Variants in MAGI2 observed in about 807,000 individuals in gnomAD.
The protein encoded by MAGI2 is membrane associated guanylate kinase, WW and PDZ domain containing 2, also known as membrane-associated guanylate kinase, WW and PDZ domain-containing protein 2.
MAGI2 carries 35 observed loss-of-function variants against 133.3 expected under a neutral mutation model. The observed-to-expected ratio is 0.26, with a 90% CI of 0.20 to 0.35. The LOEUF is 0.35. Among genes scored for constraint, MAGI2 ranks in the 10% least tolerant of loss-of-function variants. The pLI, the probability that MAGI2 is intolerant of heterozygous loss-of-function variation, is 1.00. For missense variants in MAGI2, 1,636 were observed against 1,863.4 expected (o/e 0.88, Z 2.25); for synonymous variants, 729 against 710.6 (o/e 1.03, Z -0.41).
At chr7:78,569,174 T>A (rs759503692) in intron 3 of MAGI2, among the ~76,000 whole-genome samples, 16 of 152,164 alleles carry the variant, frequency 1.1e-4, no homozygotes, top group Non-Finnish European at 1.9e-4. Flanking sequence ...TTTATTTTCT[T>A]AAGAGCCCTT....
chr7:78,544,868 C>G (rs1205946522), intron 3 of MAGI2, among the ~76,000 whole-genome samples: 1 of 151,662 alleles, frequency 6.6e-6, no homozygotes, highest in Non-Finnish European at 1.5e-5. Context: ...AAACAAAAAA[C>G]AACAGCAACA....
Position 78,313,603 on chromosome 7 carries a change from T to C in MAGI2, c.1408+30175A>G, listed in dbSNP as rs1049526329. On this transcript the variant is annotated intron_variant, in intron 9 of 21. Transcript: ENST00000354212. ...AGAGAAAAATATTTTTTTTGATATATAGAAATAGGTACTTTGCTATTGGTA... is the reference window on the plus strand; with the variant it reads ...AGAGAAAAATATTTTTTTTGATATACAGAAATAGGTACTTTGCTATTGGTA... 4.0e-5 allele frequency among the ~76,000 whole-genome samples: 6 copies of C among 150,848 alleles called. 1 individual carries two copies. In the South Asian group the frequency reaches 6.3e-4, roughly 16 times the overall value.
At chr7:78,913,889 C>G (rs548345636) in intron 2 of MAGI2, among the ~76,000 whole-genome samples, 2 of 152,286 alleles carry the variant, frequency 1.3e-5, no homozygotes, top group South Asian at 2.1e-4. Context: ...AGATCAGTAT[C>G]ACCTGGAACA....
chr7:78,337,436 A>G lies in MAGI2; in HGVS notation c.1408+6342T>C, dbSNP rs116290545. Reference sequence around the variant, plus strand: ...TAAGAAAGAAATAATTCCCAACTCTACCCTTGTTTCTCTTGTACAGGACCC... The same window carrying G: ...TAAGAAAGAAATAATTCCCAACTCTGCCCTTGTTTCTCTTGTACAGGACCC... On this transcript the variant is annotated intron_variant, in intron 9 of 21. Coordinates refer to ENST00000354212, the MANE Select transcript of MAGI2 (RefSeq NM_012301.4). 5.5e-3 allele frequency among the ~76,000 whole-genome samples: 843 copies of G among 152,122 alleles called. 7 individuals carry two copies. Among genetic ancestry groups the G allele is most frequent in the African/African-American group, 0.019 (790 of 41,492 alleles).
At chr7:78,807,301 AAC>A (rs1788659498) in intron 2 of MAGI2, among the ~76,000 whole-genome samples, 1 of 152,172 alleles carries the variant, frequency 6.6e-6, no homozygotes, top group South Asian at 2.1e-4. Flanking sequence ...AATGCATTAA[AAC>A]AGTTATTATT....
At chr7:79,123,881 C>G (rs139361363) in intron 1 of MAGI2, among the ~76,000 whole-genome samples, 2,556 of 148,962 alleles carry the variant, frequency 0.017, 40 homozygotes, top group Non-Finnish European at 0.027. Context: ...CACTATTTTA[C>G]TCGTTCTTTT....
intron 1 of MAGI2, among the ~76,000 whole-genome samples, chr7:79,273,294 C>G (rs1021704745): frequency 6.6e-6 from 1 of 152,008 alleles, no homozygotes; most frequent in African/African-American, 2.4e-5. Context: ...AGCCAATTAG[C>G]CACAGAAAAT....
chr7:78,852,680 TA>T (rs1793245742), intron 2 of MAGI2, among the ~76,000 whole-genome samples: 1 of 152,140 alleles, frequency 6.6e-6, no homozygotes, highest in Non-Finnish European at 1.5e-5. Flanking sequence ...GACACTTACA[TA>T]TATGCATGAT....
chr7:79,159,993 G>A (rs1824199691), intron 1 of MAGI2, among the ~76,000 whole-genome samples: 1 of 151,992 alleles, frequency 6.6e-6, no homozygotes. Flanking sequence ...GTACTTATCA[G>A]ATTGGTAGAA....
chr7:78,897,426 G>A (rs1269634587), intron 2 of MAGI2, among the ~76,000 whole-genome samples: 3 of 152,152 alleles, frequency 2.0e-5, no homozygotes, highest in African/African-American at 7.2e-5. Context: ...AGAGGCAGTG[G>A]TGTGCTAGAG....
chr7:79,136,294 C>T (rs1409563453), intron 1 of MAGI2, among the ~76,000 whole-genome samples: 1 of 152,126 alleles, frequency 6.6e-6, no homozygotes, highest in Non-Finnish European at 1.5e-5. Flanking sequence ...TTACCTAGGG[C>T]CAAGAAAGCT....
intron 1 of MAGI2, among the ~76,000 whole-genome samples, chr7:79,316,344 A>C (rs1030015828): frequency 6.6e-6 from 1 of 152,316 alleles, no homozygotes; most frequent in African/African-American, 2.4e-5. Context: ...AGGAATAACA[A>C]CACCAGTATT....
intron 16 of MAGI2, among the ~76,000 whole-genome samples, chr7:78,139,127 T>A (rs573059798): frequency 6.6e-6 from 1 of 152,148 alleles, no homozygotes; most frequent in Non-Finnish European, 1.5e-5. Flanking sequence ...TGAAATAAAT[T>A]CAGTGGTAGA....
intron 20 of MAGI2, among the ~76,000 whole-genome samples, chr7:78,121,473 G>C (rs994136488): frequency 3.9e-5 from 6 of 152,074 alleles, no homozygotes; most frequent in Non-Finnish European, 7.4e-5. Context: ...GAACATGAAC[G>C]TCTAATAAAT....
chr7:78,043,636 G>A (rs1381964771), intron 21 of MAGI2, among the ~76,000 whole-genome samples: 1 of 152,150 alleles, frequency 6.6e-6, no homozygotes, highest in Admixed American at 6.5e-5. Flanking sequence ...TGAGTCGAGC[G>A]AGTCAAAGAA....
At chr7:78,358,162 C>CAAAAA (rs1185043187) in intron 7 of MAGI2, 6 of 48,732 alleles carry the variant, frequency 1.2e-4, no homozygotes, top group Admixed American at 4.4e-4. Flanking sequence ...GACTTTGCCT[C>CAAAAA]AAAAAAAAAA....
chr7:78,216,275 G>T (rs1305274068), intron 10 of MAGI2, among the ~76,000 whole-genome samples: 2 of 152,222 alleles, frequency 1.3e-5, no homozygotes, highest in African/African-American at 4.8e-5. Context: ...TGCTGCATCT[G>T]AGTAATTCAC....
At chr7:78,899,876 AT>A (rs746857516) in intron 2 of MAGI2, among the ~76,000 whole-genome samples, 1 of 152,138 alleles carries the variant, frequency 6.6e-6, no homozygotes, top group Non-Finnish European at 1.5e-5. Context: ...ATGTTTATTA[AT>A]TTGTTCACTT....
At chr7:78,575,617 T>A (rs1193182973) in intron 3 of MAGI2, among the ~76,000 whole-genome samples, 1 of 152,182 alleles carries the variant, frequency 6.6e-6, no homozygotes, top group African/African-American at 2.4e-5. Flanking sequence ...ATAAGTCACA[T>A]TGATCACACA....
Sources: allele counts gnomAD v4.1 joint callset (sites outside exome capture counted in the v4.1 genomes callset), GRCh38; gene constraint gnomAD v4.1.1; transcripts MANE v1.5; gene names NCBI Gene and HGNC (gene_info 2026-07-23, HGNC 2026-07-21).